Variants in TGM4 observed in about 807,000 individuals in gnomAD.
TGM4 encodes the protein transglutaminase 4, also known as protein-glutamine gamma-glutamyltransferase 4.
A neutral mutation model predicts 76.3 loss-of-function variants in TGM4; 61 were observed. The ratio of observed to expected loss-of-function variants is 0.80; its 90% confidence interval spans 0.65 to 0.99. The LOEUF (loss-of-function observed/expected upper bound fraction) is 0.99. Ranked by LOEUF, TGM4 falls within the 50% of genes least tolerant of loss-of-function variation. The probability of loss-of-function intolerance (pLI) is 0.00; values close to 1 mark genes in which losing one functional copy is unlikely to be tolerated. For missense variants in TGM4, 794 were observed against 843.2 expected (o/e 0.94, Z 0.72); for synonymous variants, 337 against 329.8 (o/e 1.02, Z -0.24).
At chr3:44,913,064 T>C (rs891149996) in intron 13 of TGM4, among the ~76,000 whole-genome samples, 3 of 152,226 alleles carry the variant, frequency 2.0e-5, no homozygotes, top group Admixed American at 6.5e-5. Flanking sequence ...CACATTTTAA[T>C]GTGCACACAA....
chr3:44,881,656 G>A (rs1398669290), intron 1 of TGM4, among the ~76,000 whole-genome samples: 1 of 152,108 alleles, frequency 6.6e-6, no homozygotes. Flanking sequence ...CATACAGACT[G>A]GAAAATCATA....
At chr3:44,906,662 G>C (rs949428716) in intron 9 of TGM4, among the ~76,000 whole-genome samples, 7 of 152,174 alleles carry the variant, frequency 4.6e-5, no homozygotes, top group African/African-American at 1.4e-4. Context: ...CCCAGATTGT[G>C]TGTCTCTGTG....
At position 44,907,012 on chromosome 3, in the gene TGM4, A is replaced by C; in HGVS notation, c.1139A>C (p.Tyr380Ser). 6.2e-7 allele frequency: 1 copy of C among 1,614,144 alleles called. No homozygotes were observed. Among genetic ancestry groups the C allele is most frequent in the Non-Finnish European group, 8.5e-7 (1 of 1,180,016 alleles). The change falls in exon 10 of 14, where the codon TAT becomes TCT. Residue 380 changes from tyrosine to serine, a missense_variant. Physicochemically the swap from Tyr to Ser is moderately radical, Grantham distance 144 (BLOSUM62 -2). Transcript: ENST00000296125. ...AIRKGDIFIV[Y>S]DTRFVFSEVN... ...CGCAAAGGTGACATCTTTATTGTCT[A>C]TGACACCAGATTCGTCTTCTCAGAA...
chr3:44,913,796 T>C lies in TGM4; in HGVS notation c.*71T>C. 1.9e-6 allele frequency: 3 copies of C among 1,545,466 alleles called. No homozygotes were observed. The highest frequency in any genetic ancestry group is 2.6e-6 in the Non-Finnish European group (3 of 1,149,828). On this transcript the variant is annotated 3_prime_UTR_variant, in exon 14 of 14. Coordinates refer to ENST00000296125, the MANE Select transcript of TGM4 (RefSeq NM_003241.4). ...TACCTTGTGCTTAGCTTTCAGATTA[T>C]GGATGATTAAATTTGATGACTTATA...
Position 44,907,116 on chromosome 3 carries a change from A to G in TGM4, c.1243A>G (p.Thr415Ala). The G allele has an allele frequency of 3.7e-6, 6 of 1,614,148 alleles. No homozygotes were observed. Among genetic ancestry groups the G allele is most frequent in the Non-Finnish European group, 5.1e-6 (6 of 1,180,028 alleles). The part of the protein sequence containing the change: ...EELHVISMET[T>A]SIGKNISTKA... ...GTTACACGTAATTTCAATGGAGACC[A>G]CAAGCATCGGGAAAAACATCAGCAC... Residue 415 changes from threonine to alanine, a missense_variant, in exon 10 of 14, where the codon ACA (threonine) becomes GCA (alanine). Transcript: ENST00000296125.
At chr3:44,901,439 T>C (rs1699850864) in intron 6 of TGM4, 85 bp from the exon 7 acceptor site, 1 of 1,463,244 alleles carries the variant, frequency 6.8e-7, no homozygotes, top group Non-Finnish European at 9.2e-7. Flanking sequence ...GGTGTCCACT[T>C]TGGGGGCTGG....
At chr3:44,890,205 C>T (rs1174663894) in intron 3 of TGM4, 12 of 169,038 alleles carry the variant, frequency 7.1e-5, no homozygotes, top group South Asian at 1.6e-4. Context: ...CAATACGAGA[C>T]GAGATTCGAG....
At chr3:44,901,471 C>A in intron 6 of TGM4, 53 bp from the exon 7 acceptor site, 1 of 1,535,578 alleles carries the variant, frequency 6.5e-7, no homozygotes, top group South Asian at 1.2e-5. Context: ...GGGCTGGCAG[C>A]ACCTTGTTCT....
At chr3:44,907,225 T>C in intron 10 of TGM4, 25 bp downstream of exon 10, 3 of 1,609,948 alleles carry the variant, frequency 1.9e-6, no homozygotes, top group Non-Finnish European at 2.5e-6. Context: ...GGGCTCCTTC[T>C]GACTCAGCCC....
At chr3:44,886,908 G>A (rs796636040) in intron 2 of TGM4, among the ~76,000 whole-genome samples, 20 of 152,352 alleles carry the variant, frequency 1.3e-4, no homozygotes, top group African/African-American at 3.8e-4. Context: ...AGGTCAGGGC[G>A]GGGCTGACTC....
intron 12 of TGM4, 51 bp downstream of exon 12, chr3:44,911,178 T>G (rs1700000749): frequency 6.2e-7 from 1 of 1,610,514 alleles, no homozygotes; most frequent in Non-Finnish European, 8.5e-7. Flanking sequence ...AAGTTGGCCA[T>G]GGAGTGTGAC....
chr3:44,907,029 T>C lies in TGM4; in HGVS notation c.1156T>C (p.Phe386Leu), dbSNP rs1699931127. 1 of 1,614,052 alleles carries C rather than the reference T, an allele frequency of 6.2e-7. No homozygotes were observed. Among genetic ancestry groups the C allele is most frequent in the Non-Finnish European group, 8.5e-7 (1 of 1,180,040 alleles). Residue 386 changes from phenylalanine (F) to leucine (L), a missense_variant, in exon 10 of 14, where the codon TTC becomes CTC. Transcript: ENST00000296125. ...TATTGTCTATGACACCAGATTCGTCTTCTCAGAAGTGAATGGTGACAGGCT... is the reference window on the plus strand; with the variant it reads ...TATTGTCTATGACACCAGATTCGTCCTCTCAGAAGTGAATGGTGACAGGCT... ...IFIVYDTRFV[F>L]SEVNGDRLIW... is the part of the protein sequence containing the mutation.
chr3:44,887,402 C>T (rs1473164634), intron 2 of TGM4, among the ~76,000 whole-genome samples: 4 of 152,188 alleles, frequency 2.6e-5, no homozygotes, highest in Non-Finnish European at 4.4e-5. Context: ...CTCGAATGAG[C>T]ATGTGACAGA....
intron 2 of TGM4, among the ~76,000 whole-genome samples, chr3:44,887,113 C>T (rs554116076): frequency 1.5e-4 from 23 of 152,336 alleles, no homozygotes; most frequent in African/African-American, 5.3e-4. Flanking sequence ...ACCAGAAACC[C>T]AGTCATGACA....
intron 5 of TGM4, among the ~76,000 whole-genome samples, chr3:44,895,909 A>C (rs1169231765): frequency 6.6e-6 from 1 of 152,214 alleles, no homozygotes; most frequent in Non-Finnish European, 1.5e-5. Flanking sequence ...TTTCAAAAGT[A>C]ACGTGCTTAT....
In TGM4 at chr3:44,911,293, C is replaced by T. The variant is rs763337531; in HGVS notation, c.1800C>T (p.Gly600=). 2 of 1,614,122 alleles carry T rather than the reference C, an allele frequency of 1.2e-6. No homozygotes were observed. The highest frequency in any genetic ancestry group is 2.2e-5 in the East Asian group (1 of 44,902). ...AGTTGCCTAACACAGGCAGAATTGG[C>T]CAGCTACTTGTCTGCAATTGTATCT... ...SIELPNTGRI[G]QLLVCNCIFK... is the part of the protein sequence containing the mutation. Residue 600 remains glycine (G), a synonymous_variant, in exon 13 of 14, where the codon GGC becomes GGT. Coordinates refer to ENST00000296125, the MANE Select transcript of TGM4 (RefSeq NM_003241.4).
intron 1 of TGM4, among the ~76,000 whole-genome samples, chr3:44,878,707 C>T (rs1699485803): frequency 6.6e-6 from 1 of 151,984 alleles, no homozygotes; most frequent in African/African-American, 2.4e-5. Context: ...GTCATGAACT[C>T]CTGGCCTCAA....
At chr3:44,890,434 C>A in intron 3 of TGM4, 169 bp from the exon 4 acceptor site, 1 of 864,732 alleles carries the variant, frequency 1.2e-6, no homozygotes, top group Non-Finnish European at 1.8e-6. Flanking sequence ...ATGCATCCTG[C>A]CCTTGCAGGG....
At chr3:44,911,229 C>A (rs1490025810) in intron 12 of TGM4, 41 bp from the exon 13 acceptor site, 5 of 1,612,716 alleles carry the variant, frequency 3.1e-6, no homozygotes, top group Non-Finnish European at 4.2e-6. Context: ...TTGGCTCATG[C>A]ATATCTTCTC....
Sources: gnomAD v4.1 joint callset for allele counts (sites outside exome capture counted in the v4.1 genomes callset) on GRCh38, gnomAD v4.1.1 for gene constraint, MANE v1.5 for transcripts, NCBI Gene and HGNC (gene_info 2026-07-23, HGNC 2026-07-21) for gene names.